IL1RAPL2: variants seen among roughly 807,000 people sequenced by gnomAD.
The protein encoded by IL1RAPL2 is interleukin 1 receptor accessory protein like 2.
Under a neutral mutation model 44.1 loss-of-function variants are expected in IL1RAPL2, and 3 were observed. That is an observed-to-expected ratio of 0.07 (90% CI 0.03 to 0.18). The LOEUF (loss-of-function observed/expected upper bound fraction) is 0.18. Among genes scored for constraint, IL1RAPL2 ranks in the 10% least tolerant of loss-of-function variants. The pLI, the probability that IL1RAPL2 is intolerant of heterozygous loss-of-function variation, is 1.00. For synonymous variants in IL1RAPL2, 181 were observed against 178.8 expected, an observed-to-expected ratio of 1.01 and a Z score of -0.10; for missense variants, 391 against 496.4, an observed-to-expected ratio of 0.79 and a Z score of 2.02.
intron 2 of IL1RAPL2, among the ~76,000 whole-genome samples, chrX:105,066,282 A>G (rs995045568): frequency 1.8e-5 from 2 of 110,889 alleles, no homozygotes; most frequent in African/African-American, 3.3e-5. Flanking sequence ...CCTACTTACC[A>G]CATCTCACCC....
intron 2 of IL1RAPL2, among the ~76,000 whole-genome samples, chrX:104,942,907 G>T (rs1396435703): frequency 1.8e-5 from 2 of 111,517 alleles, no homozygotes; most frequent in African/African-American, 6.5e-5. Context: ...AGCATGAAGG[G>T]TGTTGAATTT....
At chrX:105,653,043 G>A (rs1384512147) in intron 6 of IL1RAPL2, among the ~76,000 whole-genome samples, 1 of 111,078 alleles carries the variant, frequency 9.0e-6, no homozygotes, top group Admixed American at 9.6e-5. Flanking sequence ...AAGAGAAGGG[G>A]AAAATACTGC....
intron 5 of IL1RAPL2, among the ~76,000 whole-genome samples, chrX:105,403,526 A>T (rs1484163664): frequency 8.9e-6 from 1 of 111,742 alleles, no homozygotes; most frequent in Non-Finnish European, 1.9e-5. Flanking sequence ...GATGCTCATG[A>T]TTTATAGAAA....
At chrX:105,127,618 G>A (rs2032987067) in intron 2 of IL1RAPL2, among the ~76,000 whole-genome samples, 1 of 110,964 alleles carries the variant, frequency 9.0e-6, no homozygotes, top group South Asian at 3.7e-4. Context: ...AAACACAGTG[G>A]TAGAACTCTT....
intron 1 of IL1RAPL2, among the ~76,000 whole-genome samples, chrX:104,627,201 A>G (rs891600178): frequency 1.8e-5 from 2 of 108,625 alleles, no homozygotes; most frequent in Non-Finnish European, 3.8e-5. Context: ...TAAAACATCA[A>G]TCTCATTGTT....
chrX:105,750,129 A>G (rs185108341), intron 9 of IL1RAPL2, among the ~76,000 whole-genome samples: 1 of 110,820 alleles, frequency 9.0e-6, no homozygotes, highest in East Asian at 2.8e-4. Context: ...TTTTTGAGGA[A>G]TCTGATTTTG....
chrX:104,803,612 ATGT>A (rs985721042), intron 2 of IL1RAPL2, among the ~76,000 whole-genome samples: 1 of 112,375 alleles, frequency 8.9e-6, no homozygotes, highest in Admixed American at 9.4e-5. Context: ...TTTGTAAGAA[ATGT>A]TGTTCTCCAT....
intron 2 of IL1RAPL2, among the ~76,000 whole-genome samples, chrX:104,827,157 A>G (rs1236704707): frequency 1.8e-5 from 2 of 109,192 alleles, no homozygotes; most frequent in African/African-American, 6.7e-5. Flanking sequence ...TGTGAATTTG[A>G]TCCTGTCATT....
intron 6 of IL1RAPL2, among the ~76,000 whole-genome samples, chrX:105,527,268 G>A (rs2036600646): frequency 9.0e-6 from 1 of 111,028 alleles, no homozygotes; most frequent in African/African-American, 3.3e-5. Context: ...TTGTAAGATG[G>A]TACAATTGAA....
At chrX:105,613,437 G>C (rs964938612) in intron 6 of IL1RAPL2, among the ~76,000 whole-genome samples, 2 of 111,985 alleles carry the variant, frequency 1.8e-5, no homozygotes, top group Non-Finnish European at 3.8e-5. Context: ...CTTTATGCTT[G>C]GAAAAAGTTG....
chrX:105,004,213 C>T (rs1222049709), intron 2 of IL1RAPL2, among the ~76,000 whole-genome samples: 1 of 110,006 alleles, frequency 9.1e-6, no homozygotes, highest in Non-Finnish European at 1.9e-5. Context: ...TGCTCCAAGT[C>T]ATCAGAAAAG....
At chrX:105,766,106 G>A (rs2038727031) in intron 10 of IL1RAPL2, among the ~76,000 whole-genome samples, 1 of 112,250 alleles carries the variant, frequency 8.9e-6, no homozygotes, top group Non-Finnish European at 1.9e-5. Context: ...AGTTAGTTGA[G>A]TGTTTCTCTA....
intron 2 of IL1RAPL2, among the ~76,000 whole-genome samples, chrX:104,945,313 T>G (rs959318789): frequency 9.0e-6 from 1 of 110,937 alleles, no homozygotes; most frequent in Admixed American, 9.7e-5. Context: ...AACATAATAA[T>G]GTACTGTTGG....
chrX:105,253,304 C>T (rs1230366852), intron 4 of IL1RAPL2, among the ~76,000 whole-genome samples: 1 of 110,796 alleles, frequency 9.0e-6, no homozygotes, highest in Non-Finnish European at 1.9e-5. Flanking sequence ...TATATTCAAA[C>T]TCATTGGTTC....
At chrX:105,444,225 A>G (rs1396956506) in intron 5 of IL1RAPL2, among the ~76,000 whole-genome samples, 1 of 111,617 alleles carries the variant, frequency 9.0e-6, no homozygotes, top group Non-Finnish European at 1.9e-5. Context: ...TGAACACCTT[A>G]TATATTCTGG....
At chrX:105,374,417 G>A (rs1174527158) in intron 5 of IL1RAPL2, among the ~76,000 whole-genome samples, 2 of 111,338 alleles carry the variant, frequency 1.8e-5, no homozygotes, top group East Asian at 5.7e-4. Flanking sequence ...TGACTCTGTA[G>A]ATTGCTTTGG....
chrX:105,651,576 T>G (rs1455124515), intron 6 of IL1RAPL2, among the ~76,000 whole-genome samples: 3 of 111,741 alleles, frequency 2.7e-5, no homozygotes, highest in Admixed American at 1.9e-4. Context: ...TTATTTGCAC[T>G]ATGTCCCCCA....
chrX:105,399,601 A>G (rs1003590038), intron 5 of IL1RAPL2, among the ~76,000 whole-genome samples: 4 of 111,200 alleles, frequency 3.6e-5, no homozygotes, highest in Non-Finnish European at 7.6e-5. Context: ...TAAAATATTC[A>G]ATATATATTT....
chrX:104,770,266 T>G (rs1737665625), intron 2 of IL1RAPL2, among the ~76,000 whole-genome samples: 1 of 111,623 alleles, frequency 9.0e-6, no homozygotes, highest in Non-Finnish European at 1.9e-5. Flanking sequence ...AACAAACATT[T>G]CCATAGCATG....
Sources: gnomAD v4.1 joint callset for allele counts (sites outside exome capture counted in the v4.1 genomes callset) on GRCh38, gnomAD v4.1.1 for gene constraint, MANE v1.5 for transcripts, NCBI Gene and HGNC (gene_info 2026-07-23, HGNC 2026-07-21) for gene names.